The following DNAH14 variants were observed in gnomAD, a reference collection of about 807,000 sequenced individuals.
DNAH14 encodes dynein axonemal heavy chain 14, also known as axonemal beta dynein heavy chain 14.
Under a neutral mutation model 520.9 loss-of-function variants are expected in DNAH14, and 478 were observed. The ratio of observed to expected loss-of-function variants is 0.92; its 90% confidence interval spans 0.85 to 0.99. The LOEUF is 0.99. Ranked by LOEUF, DNAH14 falls within the 50% of genes least tolerant of loss-of-function variation. The probability of loss-of-function intolerance (pLI) is 0.00; values close to 1 mark genes in which losing one functional copy is unlikely to be tolerated. For missense variants in DNAH14, 4,831 were observed against 5,234.5 expected, an observed-to-expected ratio of 0.92 and a Z score of 2.38; for synonymous variants, 1,581 against 1,757.2, an observed-to-expected ratio of 0.90 and a Z score of 2.51.
intron 13 of DNAH14, among the ~76,000 whole-genome samples, 166 bp from the exon 14 acceptor site, chr1:225,043,578 C>G (rs1190348660): frequency 6.6e-6 from 1 of 152,178 alleles, no homozygotes; most frequent in Non-Finnish European, 1.5e-5. Flanking sequence ...TCTCTTTAAT[C>G]AGAACCTTGG....
At chr1:224,988,368 A>G (rs1182183471) in intron 8 of DNAH14, among the ~76,000 whole-genome samples, 1 of 152,162 alleles carries the variant, frequency 6.6e-6, no homozygotes, top group African/African-American at 2.4e-5. Context: ...ACATTCATGA[A>G]AAAGCTCAAC....
chr1:224,956,865 C>T (rs2060548260), intron 3 of DNAH14, among the ~76,000 whole-genome samples: 1 of 152,052 alleles, frequency 6.6e-6, no homozygotes, highest in African/African-American at 2.4e-5. Flanking sequence ...TCCCCTCCAA[C>T]AGAGTGAAAA....
chr1:225,086,219 G>A (rs573438903), intron 21 of DNAH14, among the ~76,000 whole-genome samples: 14 of 151,718 alleles, frequency 9.2e-5, no homozygotes, highest in Non-Finnish European at 1.0e-4. Flanking sequence ...TGCAAGCTCC[G>A]CCTCCTGGGT....
chr1:225,051,849 T>A (rs1205889115), intron 17 of DNAH14, 54 bp downstream of exon 17: 7 of 1,257,274 alleles, frequency 5.6e-6, no homozygotes, highest in Non-Finnish European at 6.4e-6. Context: ...TAGTAAATTT[T>A]AAATTTAAAA....
At chr1:225,167,901 G>C in intron 35 of DNAH14, 38 bp from the exon 36 acceptor site, 1 of 1,170,552 alleles carries the variant, frequency 8.5e-7, no homozygotes, top group Non-Finnish European at 1.2e-6. Context: ...AGTTTCATTT[G>C]CAATGCATTT....
In DNAH14 at chr1:225,108,231, T is replaced by C. The variant is rs529878640; in HGVS notation, c.3867+7347T>C. Among the ~76,000 whole-genome samples the C allele has an allele frequency of 4.3e-4, 66 of 152,318 alleles. 2 individuals are homozygous for C. The highest frequency in any genetic ancestry group is 6.8e-3 in the Middle Eastern group (2 of 294). ...TTCTTCAGCTTTTGGACTCTTGGAC[T>C]TACACCAGTGGTTTGCCAGGGTTTC... On this transcript the variant is annotated intron_variant, in intron 23 of 85. Transcript: ENST00000682510.
intron 54 of DNAH14, among the ~76,000 whole-genome samples, chr1:225,283,251 A>G (rs1294117594): frequency 1.3e-5 from 2 of 152,030 alleles, no homozygotes; most frequent in Admixed American, 1.3e-4. Flanking sequence ...AGATTTTTTA[A>G]AGAACAAAAT....
At chr1:225,244,872 A>G (rs1305228438) in intron 43 of DNAH14, among the ~76,000 whole-genome samples, 1 of 151,530 alleles carries the variant, frequency 6.6e-6, no homozygotes, top group African/African-American at 2.4e-5. Flanking sequence ...GATCTTAGTT[A>G]TTTCTTGTCT....
intron 17 of DNAH14, among the ~76,000 whole-genome samples, chr1:225,060,257 AT>A (rs1429474900): frequency 1.3e-5 from 2 of 151,812 alleles, no homozygotes; most frequent in East Asian, 3.9e-4. Context: ...ACTTCATTGC[AT>A]TCATTTGATC....
At chr1:225,334,697 G>A (rs568319508) in intron 66 of DNAH14, among the ~76,000 whole-genome samples, 2 of 151,896 alleles carry the variant, frequency 1.3e-5, no homozygotes, top group South Asian at 2.1e-4. Context: ...TGCAATGACA[G>A]ATCACAATCA....
intron 79 of DNAH14, among the ~76,000 whole-genome samples, chr1:225,377,919 A>C (rs1575106272): frequency 2.0e-5 from 3 of 152,162 alleles, no homozygotes; most frequent in Non-Finnish European, 4.4e-5. Context: ...GACCTTCTCA[A>C]ATCTTTGAGT....
At chr1:225,353,657 A>G (rs1289243071) in intron 72 of DNAH14, 146 bp from the exon 73 acceptor site, 14 of 591,368 alleles carry the variant, frequency 2.4e-5, no homozygotes, top group African/African-American at 3.8e-5. Flanking sequence ...CAAAGCTTAT[A>G]GAAATAAAGC....
At chr1:225,126,330 T>G (rs573456771) in intron 27 of DNAH14, among the ~76,000 whole-genome samples, 32 of 152,330 alleles carry the variant, frequency 2.1e-4, no homozygotes, top group African/African-American at 7.7e-4. Context: ...TGTGAATCCA[T>G]CTGGTCCTGG....
At chr1:225,305,172 G>A (rs2094215066) in intron 58 of DNAH14, 83 bp downstream of exon 58, 4 of 1,415,730 alleles carry the variant, frequency 2.8e-6, no homozygotes, top group Admixed American at 3.2e-5. Context: ...AAAATGGTGA[G>A]CCAAATCTGC....
At position 225,264,238 on chromosome 1, in the gene DNAH14, A is replaced by G. The variant is rs542095902; in HGVS notation, c.7199A>G (p.His2400Arg). The stretch of plus-strand genomic sequence containing the variant: ...ATCACCATCTTGATTCCTGAAACTC[A>G]TAAGACAGCAACTGGAAGTTCAGGT... ...QNITILIPET[H>R]KTATGSSDNP... The change falls in exon 47 of 86, where the codon CAT becomes CGT. Residue 2400 changes from histidine to arginine, a missense_variant. Coordinates refer to ENST00000682510, the MANE Select transcript of DNAH14 (RefSeq NM_001367479.1). 5.5e-5 allele frequency: 86 copies of G among 1,550,068 alleles called. No individual in the cohort carries two copies. In the South Asian group the frequency reaches 8.9e-4, roughly 16 times the overall value.
chr1:225,336,207 C>A lies in DNAH14; in HGVS notation c.10081-1059C>A, dbSNP rs181688251. Among the ~76,000 whole-genome samples the A allele has an allele frequency of 1.5e-3, 206 of 139,528 alleles. 1 individual carries two copies. The highest frequency in any genetic ancestry group is 5.1e-3 in the African/African-American group (192 of 37,632). The allele number at this position is 139,528 out of a possible 152,430, so 91.5% of individuals were successfully genotyped here. On this transcript the variant is annotated intron_variant, in intron 66 of 85. Transcript: ENST00000682510. ...CTATGCAACAGTATAAACCAAAGCACAAAACAGAAAACATATATTATTTAT... is the reference window on the plus strand; with the variant it reads ...CTATGCAACAGTATAAACCAAAGCAAAAAACAGAAAACATATATTATTTAT...
At chr1:225,111,751 C>G (rs1398470168) in intron 23 of DNAH14, among the ~76,000 whole-genome samples, 1 of 151,760 alleles carries the variant, frequency 6.6e-6, no homozygotes, top group African/African-American at 2.4e-5. Context: ...AGGTGATTTT[C>G]TTTGGTGGCA....
chr1:225,338,450 G>A (rs1175153987), intron 68 of DNAH14, among the ~76,000 whole-genome samples: 2 of 152,248 alleles, frequency 1.3e-5, no homozygotes, highest in African/African-American at 4.8e-5. Flanking sequence ...CAGAAGCTAT[G>A]CAGAGGGGAG....
rs186347433 is a variant in DNAH14, at chr1:225,103,976, A to G, written c.3867+3092A>G. On this transcript the variant is annotated intron_variant, in intron 23 of 85. Transcript: ENST00000682510. ...GCATCCCTGTCTTGTGCCAGTTTTC[A>G]AAGGGAATGCTTCCAGTTTTTGCCC... Among the ~76,000 whole-genome samples, 762 of 147,744 alleles carry G rather than the reference A, an allele frequency of 5.2e-3. 6 individuals carry two copies. Among genetic ancestry groups the G allele is most frequent in the African/African-American group, 0.018 (719 of 40,048 alleles).
Sources: allele counts gnomAD v4.1 joint callset (sites outside exome capture counted in the v4.1 genomes callset), GRCh38; gene constraint gnomAD v4.1.1; transcripts MANE v1.5; gene names NCBI Gene and HGNC (gene_info 2026-07-23, HGNC 2026-07-21).